NPHP4: variants seen among roughly 807,000 people sequenced by gnomAD.
NPHP4 encodes nephrocystin-4.
In NPHP4, 151 loss-of-function variants were observed where a neutral mutation model predicts 155.8. The ratio of observed to expected loss-of-function variants is 0.97; its 90% confidence interval spans 0.85 to 1.11. NPHP4 has a LOEUF of 1.11. Ranked by LOEUF, NPHP4 falls within the 50% of genes least tolerant of loss-of-function variation. The pLI is 0.00. For missense variants in NPHP4, 1,956 were observed against 1,925.7 expected (o/e 1.02, Z -0.29); for synonymous variants, 845 against 816.8 (o/e 1.03, Z -0.59).
In NPHP4 at chr1:5,890,231, G is replaced by A. The variant is rs917174720; in HGVS notation, c.2304+637C>T. Among the ~76,000 whole-genome samples, 8 of 152,132 alleles carry A rather than the reference G, an allele frequency of 5.3e-5. No individual in the cohort carries two copies. Among genetic ancestry groups the A allele is most frequent in the African/African-American group, 1.9e-4 (8 of 41,420 alleles). The stretch of plus-strand genomic sequence containing the variant: ...ACATCCTCTCCCAGCTCCGTCCCGT[G>A]GCCTGAGAGAAGTCTCAGGACACCA... On this transcript the variant is annotated intron_variant, in intron 17 of 29. Transcript: ENST00000378156. The surrounding 1 kb of genome is among the most constrained non-coding windows in gnomAD (Gnocchi z 4.9).
intron 16 of NPHP4, among the ~76,000 whole-genome samples, chr1:5,899,794 A>G (rs988262459): frequency 2.0e-5 from 3 of 152,240 alleles, no homozygotes; most frequent in East Asian, 1.9e-4. Context: ...TCTGCCAAAC[A>G]TACTGGTAAG....
At chr1:5,914,028 G>C (rs1012787885) in intron 11 of NPHP4, among the ~76,000 whole-genome samples, 1 of 151,930 alleles carries the variant, frequency 6.6e-6, no homozygotes, top group Non-Finnish European at 1.5e-5. Flanking sequence ...CACGCACGCG[G>C]GCCAGGACAT....
chr1:5,979,982 T>C (rs1313878024), intron 2 of NPHP4, among the ~76,000 whole-genome samples: 1 of 151,968 alleles, frequency 6.6e-6, no homozygotes, highest in Non-Finnish European at 1.5e-5. Context: ...CCCCACTACC[T>C]CTGTCTGGCT....
chr1:5,975,514 T>C (rs1395501084), intron 3 of NPHP4, among the ~76,000 whole-genome samples: 2 of 152,110 alleles, frequency 1.3e-5, no homozygotes, highest in East Asian at 3.9e-4. Flanking sequence ...GGGTGCAGAT[T>C]TTTCCAGAGG....
chr1:5,986,202 C>T lies in NPHP4; in HGVS notation c.88G>A (p.Ala30Thr), dbSNP rs1187572016. 35 of 1,613,774 alleles carry T rather than the reference C, an allele frequency of 2.2e-5. No homozygotes were observed. Among genetic ancestry groups the T allele is most frequent in the Non-Finnish European group, 2.7e-5 (32 of 1,179,850 alleles). ...RARQPWKEST[A>T]FQCVLKWLDG... is the part of the protein sequence containing the mutation. ...AGCCACTTGAGGACACACTGGAATG[C>T]CGTGGATTCCTTCCAAGGCTGGCGC... The change falls in exon 2 of 30, where the codon GCA (alanine) becomes ACA (threonine). Residue 30 changes from alanine to threonine, a missense_variant. Coordinates refer to ENST00000378156, the MANE Select transcript of NPHP4 (RefSeq NM_015102.5).
intron 1 of NPHP4, among the ~76,000 whole-genome samples, chr1:5,991,315 T>C (rs1480258469): frequency 6.6e-6 from 1 of 152,014 alleles, no homozygotes; most frequent in African/African-American, 2.4e-5. Flanking sequence ...CAAATTAGCA[T>C]ACAAAAAGAC....
chr1:5,924,390 A>G (rs1645892136), intron 11 of NPHP4, among the ~76,000 whole-genome samples: 1 of 152,134 alleles, frequency 6.6e-6, no homozygotes, highest in Admixed American at 6.5e-5. Flanking sequence ...TAAGAAGCTC[A>G]AGGAACCCTG....
chr1:5,972,512 C>A (rs546418474), intron 3 of NPHP4, among the ~76,000 whole-genome samples: 1 of 152,200 alleles, frequency 6.6e-6, no homozygotes, highest in African/African-American at 2.4e-5. Context: ...GATAATACAA[C>A]ATCTTATCCA....
chr1:5,961,720 A>G, intron 6 of NPHP4, 74 bp downstream of exon 6: 1 of 1,452,236 alleles, frequency 6.9e-7, no homozygotes. Flanking sequence ...AGAAGAGCCC[A>G]GTGCCTTCAA....
intron 16 of NPHP4, among the ~76,000 whole-genome samples, chr1:5,901,828 C>A (rs1314393849): frequency 6.6e-6 from 1 of 152,164 alleles, no homozygotes; most frequent in Non-Finnish European, 1.5e-5. Flanking sequence ...CATTTTACAG[C>A]CTTCTGGGGA....
At chr1:5,924,642 T>C (rs1167752412) in intron 11 of NPHP4, among the ~76,000 whole-genome samples, 1 of 152,166 alleles carries the variant, frequency 6.6e-6, no homozygotes, top group Non-Finnish European at 1.5e-5. Context: ...TCCAGTGCCA[T>C]AACTATATCT....
chr1:5,866,751 T>C (rs1641272747), intron 25 of NPHP4, among the ~76,000 whole-genome samples: 1 of 152,248 alleles, frequency 6.6e-6, no homozygotes, highest in South Asian at 2.1e-4. Context: ...TGGTAATTAA[T>C]AAGTGCCTTA....
chr1:5,928,028 A>G (rs1016459131), intron 10 of NPHP4, among the ~76,000 whole-genome samples: 4 of 152,186 alleles, frequency 2.6e-5, no homozygotes, highest in African/African-American at 9.7e-5. Flanking sequence ...AGAAATCGCA[A>G]TCTCTCTCGA....
chr1:5,978,447 C>G (rs773062284), intron 2 of NPHP4, 34 bp from the exon 3 acceptor site: 1 of 1,583,970 alleles, frequency 6.3e-7, no homozygotes, highest in South Asian at 1.1e-5. Flanking sequence ...CCTCAAGAGT[C>G]TGAGCACCAT....
chr1:5,872,385 G>A (rs1291603416), intron 23 of NPHP4, among the ~76,000 whole-genome samples: 1 of 152,202 alleles, frequency 6.6e-6, no homozygotes, highest in South Asian at 2.1e-4. Flanking sequence ...GCTAGCAGAG[G>A]AAAACCTTCC....
intron 13 of NPHP4, among the ~76,000 whole-genome samples, chr1:5,906,307 C>T (rs1389719104): frequency 6.6e-6 from 1 of 152,264 alleles, no homozygotes; most frequent in Admixed American, 6.5e-5. Context: ...CGTATTCCAC[C>T]TCCACTCCCC....
chr1:5,974,685 GAAAAA>G (rs141487146), intron 3 of NPHP4, among the ~76,000 whole-genome samples: 2 of 144,898 alleles, frequency 1.4e-5, no homozygotes. Flanking sequence ...ATCATTTGCA[GAAAAA>G]AAAAAAAAAA....
rs114366138 is a variant in NPHP4, at chr1:5,882,741, T to C, written c.2486-2502A>G. ...TGCTCTCAGACCCTCCCTCCTGTCC[T>C]GCCCGCCATGGCCACCTCTGCTCCC... On this transcript the variant is annotated intron_variant, in intron 18 of 29. Transcript: ENST00000378156. This position sits in a 1 kb window ranked among gnomAD's most constrained non-coding sequence, Gnocchi z 5.1. 2,051 of 152,982 alleles carry C rather than the reference T, an allele frequency of 0.013. 47 individuals are homozygous for C. The highest frequency in any genetic ancestry group is 0.046 in the African/African-American group (1,901 of 41,576). 9.5% of individuals were successfully genotyped at this position (152,982 alleles called of 1,614,324 possible). A position where few individuals can be genotyped will look rare whatever the true frequency, so the allele number is the denominator to read the frequency against.
At chr1:5,964,941 A>ATATATATTTTTTTTTTTTT in intron 5 of NPHP4, among the ~76,000 whole-genome samples, 41 of 59,396 alleles carry the variant, frequency 6.9e-4, no homozygotes, top group African/African-American at 1.5e-3. Flanking sequence ...ATATATATAT[A>ATATATATTTTTTTTTTTTT]TTTTTTTTTT....
Sources: allele counts gnomAD v4.1 joint callset (sites outside exome capture counted in the v4.1 genomes callset), GRCh38; gene constraint gnomAD v4.1.1; non-coding constraint Gnocchi (gnomAD v3.1); transcripts MANE v1.5; gene names NCBI Gene and HGNC (gene_info 2026-07-23, HGNC 2026-07-21).